The following WLS variants were observed in gnomAD, a reference collection of about 807,000 sequenced individuals.
WLS encodes protein wntless homolog.
A neutral mutation model predicts 62.8 loss-of-function variants in WLS; 23 were observed. The observed-to-expected ratio is 0.37, with a 90% CI of 0.26 to 0.52. WLS has a LOEUF of 0.52. WLS is among the 20% of genes least tolerant of loss of function. WLS has a pLI of 0.92. For missense variants in WLS, 615 were observed against 697.3 expected (o/e 0.88, Z 1.33); for synonymous variants, 246 against 244.1 (o/e 1.01, Z -0.07).
chr1:68,123,969 G>A (rs769305723), downstream of WLS, among the ~76,000 whole-genome samples: 11 of 125,738 alleles, frequency 8.7e-5, no homozygotes, highest in Non-Finnish European at 2.0e-4. Context: ...GCTTGCTAGA[G>A]TTGGCTCCTA....
chr1:68,131,520 A>G (rs1312302451), intron 11 of WLS, among the ~76,000 whole-genome samples: 1 of 152,070 alleles, frequency 6.6e-6, no homozygotes, highest in Non-Finnish European at 1.5e-5. Context: ...GGTGCCTGTC[A>G]ACCCCAGAGG....
Position 68,098,765 on chromosome 1 carries a change from A to T in WLS, c.1511-12T>A, listed in dbSNP as rs775963529. ...TGGGAGTTGCATTCCTGGAAAATTC[A>T]GTATATTTTAAAACCATGCAAAATA... On this transcript the variant is annotated splice_polypyrimidine_tract_variant and intron_variant, in intron 11 of 11. Transcript: ENST00000354777. 10 of 1,613,248 alleles carry T rather than the reference A, an allele frequency of 6.2e-6. No homozygotes were observed. The Middle Eastern group carries it at 6.6e-4, about 107-fold the overall frequency.
In WLS at chr1:68,120,082, AG is replaced by A. The variant is rs1414162998; in HGVS notation, c.1510+17697del. On this transcript the variant is annotated intron_variant, in intron 11 of 11. Coordinates refer to the WLS transcript ENST00000354777. ...CCTGTGATGCCAGCACATGGCTCAC[AG>A]CAGATCTGCATCAGGCGCCTACCAT... is the stretch of plus-strand genomic sequence containing the variant. Among the ~76,000 whole-genome samples, 5 of 152,328 alleles carry A rather than the reference AG, an allele frequency of 3.3e-5. No homozygotes were observed. In the East Asian group the frequency reaches 9.7e-4, roughly 29 times the overall value.
intron 1 of WLS, among the ~76,000 whole-genome samples, chr1:68,218,032 G>C (rs1461881457): frequency 2.0e-5 from 3 of 152,176 alleles, no homozygotes; most frequent in Admixed American, 6.5e-5. Context: ...TTAAGTATCA[G>C]AGAAGAGTAT....
Position 68,194,225 on chromosome 1 carries a change from G to A in WLS, c.109C>T (p.Pro37Ser). The A allele has an allele frequency of 6.2e-7, 1 of 1,613,076 alleles. No individual in the cohort carries two copies. The highest frequency in any genetic ancestry group is 8.5e-7 in the Non-Finnish European group (1 of 1,179,426). ...IAFLVGGLIAPGPTTAVSYMS... is the reference protein window; with the variant it reads ...IAFLVGGLIASGPTTAVSYMS... ...TAGGACACTGCCGTTGTGGGCCCTGGAGCTGAAAAGAGAAAGTTTGTCTGT... is the reference window on the plus strand; with the variant it reads ...TAGGACACTGCCGTTGTGGGCCCTGAAGCTGAAAAGAGAAAGTTTGTCTGT... The change falls in exon 2 of 12, where the codon CCA (proline) becomes TCA (serine). Residue 37 changes from proline to serine, a missense_variant and splice_region_variant. By Grantham distance (74) the Pro-to-Ser change is moderately conservative. Coordinates refer to ENST00000262348, the MANE Select transcript of WLS (RefSeq NM_024911.7).
intron 2 of WLS, among the ~76,000 whole-genome samples, chr1:68,175,581 T>C (rs1325213238): frequency 6.6e-6 from 1 of 152,232 alleles, no homozygotes; most frequent in Non-Finnish European, 1.5e-5. Flanking sequence ...TTCATGAATG[T>C]AGAAATCTAA....
At chr1:68,109,932 G>C (rs912523150) in intron 11 of WLS, among the ~76,000 whole-genome samples, 1 of 132,258 alleles carries the variant, frequency 7.6e-6, no homozygotes, top group Non-Finnish European at 1.6e-5. Flanking sequence ...CCAGAGCTAA[G>C]AAAACCAAAT....
At chr1:68,218,652 C>T (rs1456450718) in intron 1 of WLS, among the ~76,000 whole-genome samples, 1 of 152,196 alleles carries the variant, frequency 6.6e-6, no homozygotes, top group East Asian at 1.9e-4. Context: ...CTGTTCCCGC[C>T]TCGCACCTCT....
chr1:68,148,467 G>T, intron 7 of WLS, 96 bp downstream of exon 7: 2 of 1,335,460 alleles, frequency 1.5e-6, no homozygotes, highest in Non-Finnish European at 2.1e-6. Context: ...AAAGGTTCCC[G>T]ACCACCATTC....
intron 11 of WLS, among the ~76,000 whole-genome samples, chr1:68,103,507 T>G (rs896599809): frequency 1.3e-5 from 2 of 152,192 alleles, no homozygotes; most frequent in Non-Finnish European, 2.9e-5. Flanking sequence ...TCTTCTCTTC[T>G]TATGGATTCA....
At chr1:68,145,194 G>C (rs1646736530) in intron 9 of WLS, among the ~76,000 whole-genome samples, 1 of 152,164 alleles carries the variant, frequency 6.6e-6, no homozygotes, top group Admixed American at 6.5e-5. Flanking sequence ...CTTCTGTGCA[G>C]ATCTACTGCA....
At chr1:68,210,608 G>C (rs552047444) in intron 1 of WLS, among the ~76,000 whole-genome samples, 3 of 152,152 alleles carry the variant, frequency 2.0e-5, no homozygotes, top group Non-Finnish European at 2.9e-5. Flanking sequence ...ACCCAGTGTG[G>C]GTGAGACTGG....
intron 1 of WLS, among the ~76,000 whole-genome samples, chr1:68,200,310 C>G (rs1648931955): frequency 6.6e-6 from 1 of 152,082 alleles, no homozygotes; most frequent in Non-Finnish European, 1.5e-5. Context: ...TAAAAAGCTG[C>G]CAGCACCATC....
intron 9 of WLS, 75 bp from the exon 10 acceptor site, chr1:68,144,727 G>C: frequency 2.4e-6 from 3 of 1,246,880 alleles, no homozygotes; most frequent in Non-Finnish European, 3.4e-6. Flanking sequence ...TCTATAAAAA[G>C]CTTAATTTTA....
intron 2 of WLS, 58 bp downstream of exon 2, chr1:68,193,897 A>C (rs529293041): frequency 1.3e-6 from 2 of 1,553,866 alleles, no homozygotes; most frequent in South Asian, 2.5e-5. Context: ...GCTCAAAAAG[A>C]ACCCAAAGAG....
intron 6 of WLS, 91 bp from the exon 7 acceptor site, chr1:68,148,751 A>C: frequency 8.7e-7 from 1 of 1,153,774 alleles, no homozygotes; most frequent in South Asian, 1.3e-5. Context: ...ACACTTGCCG[A>C]CCACCTATTG....
chr1:68,226,414 T>A (rs1650143892), intron 1 of WLS, among the ~76,000 whole-genome samples: 1 of 152,226 alleles, frequency 6.6e-6, no homozygotes, highest in Non-Finnish European at 1.5e-5. Flanking sequence ...TTTGTACAGA[T>A]GAAATTAGAC....
intron 1 of WLS, among the ~76,000 whole-genome samples, chr1:68,211,846 A>G (rs1649528247): frequency 1.3e-5 from 2 of 152,272 alleles, no homozygotes; most frequent in East Asian, 1.9e-4. Flanking sequence ...TCAAATCACC[A>G]TCAAATGATT....
At chr1:68,155,022 G>C in intron 4 of WLS, 77 bp downstream of exon 4, 4 of 1,447,114 alleles carry the variant, frequency 2.8e-6, no homozygotes, top group Non-Finnish European at 3.8e-6. Flanking sequence ...AGATGAGACA[G>C]GTGAGGCATA....
Sources: gnomAD v4.1 joint callset for allele counts (sites outside exome capture counted in the v4.1 genomes callset) on GRCh38, gnomAD v4.1.1 for gene constraint, MANE v1.5 for transcripts, NCBI Gene and HGNC (gene_info 2026-07-23, HGNC 2026-07-21) for gene names.